The following AUH variants were observed in gnomAD, a reference collection of about 807,000 sequenced individuals.
AUH encodes AU RNA binding methylglutaconyl-CoA hydratase, also known as methylglutaconyl-CoA hydratase, mitochondrial.
In AUH, 29 loss-of-function variants were observed where a neutral mutation model predicts 42.3. The observed-to-expected ratio is 0.69, with a 90% CI of 0.51 to 0.93. The LOEUF (loss-of-function observed/expected upper bound fraction) is 0.93. AUH is among the 40% of genes least tolerant of loss of function. The pLI, the probability that AUH is intolerant of heterozygous loss-of-function variation, is 0.00. For missense variants in AUH, 452 were observed against 438.1 expected, an observed-to-expected ratio of 1.03 and a Z score of -0.28; for synonymous variants, 174 against 166.4, an observed-to-expected ratio of 1.05 and a Z score of -0.35.
At chr9:91,349,054 G>A (rs1831749974) in intron 3 of AUH, among the ~76,000 whole-genome samples, 1 of 151,948 alleles carries the variant, frequency 6.6e-6, no homozygotes, top group African/African-American at 2.4e-5. Flanking sequence ...AGGACTAACA[G>A]TTAAATACAT....
intron 4 of AUH, among the ~76,000 whole-genome samples, chr9:91,309,771 C>G (rs572918626): frequency 6.6e-6 from 1 of 152,278 alleles, no homozygotes; most frequent in African/African-American, 2.4e-5. Context: ...TTACACAATA[C>G]ATGCATGTAA....
At chr9:91,344,169 G>A (rs1359460467) in intron 3 of AUH, among the ~76,000 whole-genome samples, 1 of 152,164 alleles carries the variant, frequency 6.6e-6, no homozygotes, top group Non-Finnish European at 1.5e-5. Context: ...TTTCTCTGAA[G>A]CTTCCCACCT....
chr9:91,305,006 A>G (rs1020981925), intron 4 of AUH, among the ~76,000 whole-genome samples: 2 of 152,182 alleles, frequency 1.3e-5, no homozygotes, highest in Admixed American at 6.5e-5. Context: ...TCAGCAATAC[A>G]TTATTCATTT....
chr9:91,286,886 T>C (rs1370281967), intron 6 of AUH, among the ~76,000 whole-genome samples: 1 of 152,104 alleles, frequency 6.6e-6, no homozygotes, highest in Non-Finnish European at 1.5e-5. Context: ...CCACAGGTAA[T>C]GATAACATAT....
At chr9:91,253,266 A>T (rs1474408446) in intron 6 of AUH, among the ~76,000 whole-genome samples, 2 of 152,230 alleles carry the variant, frequency 1.3e-5, no homozygotes, top group African/African-American at 4.8e-5. Context: ...TCTACATGGT[A>T]TAATGTAAAG....
chr9:91,226,113 G>C (rs1827455457), intron 6 of AUH, among the ~76,000 whole-genome samples: 7 of 148,262 alleles, frequency 4.7e-5, no homozygotes, highest in Non-Finnish European at 9.0e-5. Context: ...CTAGATCCCT[G>C]AGGAATCACC....
intron 6 of AUH, among the ~76,000 whole-genome samples, chr9:91,269,524 T>G (rs1824940957): frequency 6.6e-6 from 1 of 152,258 alleles, no homozygotes; most frequent in Non-Finnish European, 1.5e-5. Context: ...CAATATATGA[T>G]TCTGCTAGTA....
chr9:91,241,570 T>C lies in AUH; in HGVS notation c.656-20578A>G, dbSNP rs74634096. Among the ~76,000 whole-genome samples, 852 of 152,282 alleles carry C rather than the reference T, an allele frequency of 5.6e-3. 10 individuals carry two copies. Among genetic ancestry groups the C allele is most frequent in the African/African-American group, 0.02 (816 of 41,540 alleles). Reference sequence around the variant, plus strand: ...ATGTATTATGTATGTGTAATACATATATACTTGTGTCAAATGAACATGAAT... The same window carrying C: ...ATGTATTATGTATGTGTAATACATACATACTTGTGTCAAATGAACATGAAT... On this transcript the variant is annotated intron_variant, in intron 6 of 9. Coordinates refer to ENST00000375731, the MANE Select transcript of AUH (RefSeq NM_001698.3).
At chr9:91,282,776 C>T (rs532815953) in intron 6 of AUH, among the ~76,000 whole-genome samples, 2 of 152,042 alleles carry the variant, frequency 1.3e-5, no homozygotes, top group African/African-American at 4.8e-5. Flanking sequence ...AAGCTGAATC[C>T]CTGAATAGAC....
intron 6 of AUH, among the ~76,000 whole-genome samples, chr9:91,277,555 T>A (rs1372425215): frequency 6.6e-6 from 1 of 152,106 alleles, no homozygotes; most frequent in Non-Finnish European, 1.5e-5. Context: ...CAGAAGAGAA[T>A]GTATAATATA....
chr9:91,306,342 T>G (rs1828218374), intron 4 of AUH: 1 of 984,878 alleles, frequency 1.0e-6, no homozygotes, highest in Non-Finnish European at 1.2e-6. Context: ...TAGAACTGAG[T>G]GATGACTTCT....
intron 6 of AUH, among the ~76,000 whole-genome samples, chr9:91,228,751 G>T (rs1487864960): frequency 6.6e-6 from 1 of 151,722 alleles, no homozygotes; most frequent in Non-Finnish European, 1.5e-5. Context: ...CTGGTATGTT[G>T]TGTCTTTGTT....
chr9:91,227,299 A>C (rs1827562033), intron 6 of AUH, among the ~76,000 whole-genome samples: 4 of 130,142 alleles, frequency 3.1e-5, no homozygotes, highest in South Asian at 2.9e-4. Context: ...TAGGTATTTT[A>C]TTCTCTTTGA....
rs565053715 is a variant in AUH, at chr9:91,304,525, A to G, written c.506-6449T>C. On this transcript the variant is annotated intron_variant, in intron 4 of 9. Transcript: ENST00000375731. Reference sequence around the variant, plus strand: ...CTGCAGATTTTATACTCAATGATGAAGGCAGAAAGTACCTTCCTTAACTCT... The same window carrying G: ...CTGCAGATTTTATACTCAATGATGAGGGCAGAAAGTACCTTCCTTAACTCT... Among the ~76,000 whole-genome samples the G allele has an allele frequency of 2.1e-4, 32 of 152,314 alleles. No individual in the cohort carries two copies. The South Asian group carries it at 2.5e-3, about 12-fold the overall frequency.
intron 7 of AUH, among the ~76,000 whole-genome samples, chr9:91,219,216 C>T (rs1160157683): frequency 6.6e-6 from 1 of 152,136 alleles, no homozygotes; most frequent in Non-Finnish European, 1.5e-5. Context: ...CAAGTCAGGC[C>T]CTAAGGGGCT....
At chr9:91,351,454 C>T (rs1327918489) in intron 3 of AUH, among the ~76,000 whole-genome samples, 4 of 152,140 alleles carry the variant, frequency 2.6e-5, no homozygotes, top group African/African-American at 9.7e-5. Flanking sequence ...CTAATGAGCG[C>T]ATCGGTATAT....
Position 91,214,010 on chromosome 9 carries a change from A to AT in AUH, c.*337_*338insA, listed in dbSNP as rs1382379735. 8.0e-6 allele frequency: 2 copies of AT among 250,632 alleles called. No individual in the cohort carries two copies. Among genetic ancestry groups the AT allele is most frequent in the East Asian group, 1.8e-4 (2 of 10,918 alleles). 15.5% of individuals were successfully genotyped at this position (250,632 alleles called of 1,614,324 possible). Reference sequence around the variant, plus strand: ...TCTTAATGCAGCACAGTAGACATACAATCAATATTATTCCCTAGAATGTGC... The same window carrying AT: ...TCTTAATGCAGCACAGTAGACATACATATCAATATTATTCCCTAGAATGTGC... On this transcript the variant is annotated 3_prime_UTR_variant, in exon 10 of 10. Transcript: ENST00000375731.
rs537886314 is a variant in AUH, at chr9:91,259,650, T to C, written c.655+36371A>G. Among the ~76,000 whole-genome samples the C allele has an allele frequency of 2.0e-5, 3 of 152,308 alleles. No homozygotes were observed. In the East Asian group the frequency reaches 5.8e-4, roughly 29 times the overall value. ...TTTTCATTTTCACTAAATTCAAAAATACATTCAAATTGCTCTTGTGATTTC... is the reference window on the plus strand; with the variant it reads ...TTTTCATTTTCACTAAATTCAAAAACACATTCAAATTGCTCTTGTGATTTC... On this transcript the variant is annotated intron_variant, in intron 6 of 9. Coordinates refer to ENST00000375731, the MANE Select transcript of AUH (RefSeq NM_001698.3).
chr9:91,295,968 C>T (rs1827294445), intron 6 of AUH, 53 bp downstream of exon 6: 11 of 1,594,996 alleles, frequency 6.9e-6, no homozygotes, highest in Admixed American at 3.3e-5. Context: ...GCCTTATGCC[C>T]TGTTTCTAGG....
Sources: allele counts gnomAD v4.1 joint callset (sites outside exome capture counted in the v4.1 genomes callset), GRCh38; gene constraint gnomAD v4.1.1; transcripts MANE v1.5; gene names NCBI Gene and HGNC (gene_info 2026-07-23, HGNC 2026-07-21).